DOK5: variants seen among roughly 807,000 people sequenced by gnomAD.
DOK5 encodes the protein downstream of tyrosine kinase 5.
Under a neutral mutation model 43.3 loss-of-function variants are expected in DOK5, and 27 were observed. That is an observed-to-expected ratio of 0.62 (90% confidence interval 0.46 to 0.86). The LOEUF is 0.86. DOK5 is among the 40% of genes least tolerant of loss of function. The pLI, the probability that DOK5 is intolerant of heterozygous loss-of-function variation, is 0.00. For synonymous variants in DOK5, 146 were observed against 140.1 expected (o/e 1.04, Z -0.30); for missense variants, 373 against 392.9 (o/e 0.95, Z 0.43).
intron 6 of DOK5, among the ~76,000 whole-genome samples, chr20:54,615,728 G>A (rs774797056): frequency 6.6e-6 from 1 of 152,102 alleles, no homozygotes; most frequent in Non-Finnish European, 1.5e-5. Flanking sequence ...TGGCCAACAT[G>A]GTGAAACCCT....
intron 1 of DOK5, among the ~76,000 whole-genome samples, chr20:54,526,863 C>G (rs964975968): frequency 2.0e-5 from 3 of 152,072 alleles, no homozygotes; most frequent in African/African-American, 7.2e-5. Context: ...GGTGGAGATG[C>G]TTTAAGATCA....
chr20:54,635,103 A>C (rs1185403100), intron 6 of DOK5, among the ~76,000 whole-genome samples: 4 of 152,200 alleles, frequency 2.6e-5, no homozygotes, highest in Non-Finnish European at 4.4e-5. Context: ...CTCCCTTTGG[A>C]GTTCAGGCAA....
intron 1 of DOK5, chr20:54,495,202 T>G (rs1600661202): frequency 6.6e-6 from 1 of 152,356 alleles, no homozygotes; most frequent in South Asian, 2.1e-4. Context: ...TAGTACCAAC[T>G]GTGTTTTTCT....
rs1196029859 is a variant in DOK5 at position 54,588,672 on chromosome 20, T to C, written c.290-15T>C. ...ATGCTGGGCACACAGTTTAATCTTT[T>C]TGACATTTCCACAGATCTTGAGGCT... On this transcript the variant is annotated splice_polypyrimidine_tract_variant and intron_variant, in intron 3 of 7. Transcript: ENST00000262593. The C allele has an allele frequency of 6.2e-7, 1 of 1,614,016 alleles. No individual in the cohort carries two copies. Among genetic ancestry groups the C allele is most frequent in the East Asian group, 2.2e-5 (1 of 44,886 alleles).
In DOK5 at chr20:54,650,653, T is replaced by G; in HGVS notation, c.*174T>G. On this transcript the variant is annotated 3_prime_UTR_variant, in exon 8 of 8. Transcript: ENST00000262593. The stretch of plus-strand genomic sequence containing the variant: ...TACAATAATTTTCTTTATTTTCTTT[T>G]TCTTTTTTAAATTCTTAGTGTAATT... 1 of 565,608 alleles carries G rather than the reference T, an allele frequency of 1.8e-6. No individual in the cohort carries two copies. The highest frequency in any genetic ancestry group is 3.0e-6 in the Non-Finnish European group (1 of 329,486). The allele number at this position is 565,608 out of a possible 1,614,324, so 35.0% of individuals were successfully genotyped here.
At chr20:54,550,143 A>G (rs918993602) in intron 1 of DOK5, among the ~76,000 whole-genome samples, 4 of 149,872 alleles carry the variant, frequency 2.7e-5, no homozygotes, top group East Asian at 3.9e-4. Context: ...TCTTAAAGTT[A>G]CTCACTCTGG....
chr20:54,540,512 G>T (rs1423769460), intron 1 of DOK5, among the ~76,000 whole-genome samples: 3 of 152,062 alleles, frequency 2.0e-5, no homozygotes, highest in African/African-American at 7.2e-5. Context: ...AATATGCTAA[G>T]TATGTTATTT....
chr20:54,641,536 A>AATT (rs1979113707), intron 6 of DOK5, among the ~76,000 whole-genome samples: 1 of 109,516 alleles, frequency 9.1e-6, no homozygotes, highest in South Asian at 3.5e-4. Flanking sequence ...TGCAATTTCT[A>AATT]ATTATCATCA....
Position 54,600,031 on chromosome 20 carries a change from C to A in DOK5, c.599+8226C>A, listed in dbSNP as rs186648224. On this transcript the variant is annotated intron_variant, in intron 5 of 7. Coordinates refer to ENST00000262593, the MANE Select transcript of DOK5 (RefSeq NM_018431.5). ...GGGGTGCAATTTTAAAGAGAGTGAGCAGGACTGGCTTTACTGAGTACGTAA... is the reference window on the plus strand; with the variant it reads ...GGGGTGCAATTTTAAAGAGAGTGAGAAGGACTGGCTTTACTGAGTACGTAA... Among the ~76,000 whole-genome samples, 15 of 152,266 alleles carry A rather than the reference C, an allele frequency of 9.9e-5. No individual in the cohort carries two copies. The East Asian group carries it at 2.9e-3, about 29-fold the overall frequency.
At chr20:54,611,039 T>C (rs1329707554) in intron 6 of DOK5, among the ~76,000 whole-genome samples, 16 of 152,196 alleles carry the variant, frequency 1.1e-4, no homozygotes, top group Non-Finnish European at 1.0e-4. Context: ...TAATACCTGC[T>C]AGTTGGTAAC....
At chr20:54,569,197 G>C (rs1985203549) in intron 2 of DOK5, among the ~76,000 whole-genome samples, 1 of 152,042 alleles carries the variant, frequency 6.6e-6, no homozygotes. Context: ...ATAAATTCAG[G>C]CTTCCGTAGG....
chr20:54,640,528 T>A (rs1979062043), intron 6 of DOK5, among the ~76,000 whole-genome samples: 1 of 152,238 alleles, frequency 6.6e-6, no homozygotes, highest in South Asian at 2.1e-4. Flanking sequence ...TTTCTTTTTG[T>A]CCAAAGACAA....
At chr20:54,549,416 T>C (rs1044286776) in intron 1 of DOK5, among the ~76,000 whole-genome samples, 1 of 152,224 alleles carries the variant, frequency 6.6e-6, no homozygotes, top group African/African-American at 2.4e-5. Flanking sequence ...TGTTTGTATG[T>C]TATAGTTTGA....
Position 54,650,417 on chromosome 20 carries a change from G to A in DOK5, c.859G>A (p.Val287Ile). The A allele has an allele frequency of 6.2e-7, 1 of 1,613,830 alleles. No individual in the cohort carries two copies. Among genetic ancestry groups the A allele is most frequent in the South Asian group, 1.1e-5 (1 of 91,010 alleles). Reference sequence around the variant, plus strand: ...ATTTTAAATTCTTTTTGGAAAAGATGTTTCCAGCCCTCTGAAGCTTCATCG... The same window carrying A: ...ATTTTAAATTCTTTTTGGAAAAGATATTTCCAGCCCTCTGAAGCTTCATCG... ...STGQLYRLQD[V>I]SSPLKLHRTE... Residue 287 changes from valine (V) to isoleucine (I), a missense_variant and splice_region_variant, in exon 8 of 8, where the codon GTT becomes ATT. Coordinates refer to ENST00000262593, the MANE Select transcript of DOK5 (RefSeq NM_018431.5).
chr20:54,643,158 C>G (rs1359047338), intron 6 of DOK5, among the ~76,000 whole-genome samples: 1 of 152,178 alleles, frequency 6.6e-6, no homozygotes, highest in Non-Finnish European at 1.5e-5. Context: ...GTCACCAGCC[C>G]AACCCTAAAG....
intron 2 of DOK5, among the ~76,000 whole-genome samples, chr20:54,586,818 G>T (rs1449431383): frequency 3.3e-5 from 5 of 152,054 alleles, no homozygotes; most frequent in African/African-American, 1.2e-4. Flanking sequence ...TCTGGGAACT[G>T]AACAAAGTCC....
chr20:54,553,486 C>T (rs1298549355), intron 1 of DOK5, among the ~76,000 whole-genome samples: 3 of 151,870 alleles, frequency 2.0e-5, no homozygotes, highest in African/African-American at 2.4e-5. Flanking sequence ...TGAGCCACCG[C>T]GCCCGGCCTG....
At chr20:54,624,592 G>A (rs1987080924) in intron 6 of DOK5, among the ~76,000 whole-genome samples, 1 of 152,208 alleles carries the variant, frequency 6.6e-6, no homozygotes, top group Non-Finnish European at 1.5e-5. Context: ...TTCCAGGCAA[G>A]TCTGCTTTAA....
chr20:54,636,143 C>A (rs1479159591), intron 6 of DOK5, among the ~76,000 whole-genome samples: 1 of 152,228 alleles, frequency 6.6e-6, no homozygotes, highest in South Asian at 2.1e-4. Context: ...TAAAAGAAAT[C>A]TGACATGGCT....
Sources: allele counts gnomAD v4.1 joint callset (sites outside exome capture counted in the v4.1 genomes callset), GRCh38; gene constraint gnomAD v4.1.1; transcripts MANE v1.5; gene names NCBI Gene and HGNC (gene_info 2026-07-23, HGNC 2026-07-21).